The following MAGI1 variants were observed in gnomAD, a reference collection of about 807,000 sequenced individuals.
The protein encoded by MAGI1 is membrane-associated guanylate kinase, WW and PDZ domain-containing protein 1.
MAGI1 carries 58 observed loss-of-function variants against 139.9 expected under a neutral mutation model. The observed-to-expected ratio is 0.41, with a 90% CI of 0.34 to 0.52. MAGI1 has a LOEUF of 0.52. Among genes scored for constraint, MAGI1 ranks in the 20% least tolerant of loss-of-function variants. The probability of loss-of-function intolerance (pLI) is 0.12; values close to 1 mark genes in which losing one functional copy is unlikely to be tolerated. For synonymous variants in MAGI1, 812 were observed against 737.9 expected (o/e 1.10, Z -1.63); for missense variants, 1,874 against 1,901.6 (o/e 0.99, Z 0.27).
At chr3:65,811,149 C>T (rs2041204095) in intron 1 of MAGI1, among the ~76,000 whole-genome samples, 1 of 152,110 alleles carries the variant, frequency 6.6e-6, no homozygotes, top group Non-Finnish European at 1.5e-5. Flanking sequence ...TGCCACACAG[C>T]CTTCATTATT....
chr3:65,734,566 A>G (rs1205381785), intron 1 of MAGI1, among the ~76,000 whole-genome samples: 7 of 131,798 alleles, frequency 5.3e-5, no homozygotes, highest in Middle Eastern at 7.0e-3. Context: ...AGAAAGAGAG[A>G]GAGGGAGAGA....
chr3:65,561,587 C>T (rs1333473226), intron 2 of MAGI1, among the ~76,000 whole-genome samples: 1 of 152,092 alleles, frequency 6.6e-6, no homozygotes, highest in East Asian at 1.9e-4. Flanking sequence ...CTGGTTTCTT[C>T]TAGAAAAGAC....
intron 5 of MAGI1, among the ~76,000 whole-genome samples, chr3:65,456,720 G>T (rs1185831713): frequency 6.6e-6 from 1 of 152,086 alleles, no homozygotes; most frequent in Non-Finnish European, 1.5e-5. Context: ...TTAGGTGGAG[G>T]TTAGCTTACA....
intron 2 of MAGI1, among the ~76,000 whole-genome samples, chr3:65,541,380 C>T (rs2079214091): frequency 6.6e-6 from 1 of 152,126 alleles, no homozygotes; most frequent in Non-Finnish European, 1.5e-5. Flanking sequence ...GAAACGATTC[C>T]ACACAATAGA....
In MAGI1 at chr3:65,442,154, A is replaced by C. The variant is rs116389813; in HGVS notation, c.1136+638T>G. ...TCCTATCCATCAACAGTTTTGATGAAAGGAAAAAGTGGGAGCCCAATGCTA... is the reference window on the plus strand; with the variant it reads ...TCCTATCCATCAACAGTTTTGATGACAGGAAAAAGTGGGAGCCCAATGCTA... On this transcript the variant is annotated intron_variant, in intron 8 of 22. Coordinates refer to ENST00000402939, the MANE Select transcript of MAGI1 (RefSeq NM_001033057.2). Among the ~76,000 whole-genome samples, 6 of 151,938 alleles carry C rather than the reference A, an allele frequency of 3.9e-5. No individual in the cohort carries two copies. In the East Asian group the frequency reaches 5.8e-4, roughly 15 times the overall value.
chr3:65,649,079 A>T (rs1259675522), intron 1 of MAGI1, among the ~76,000 whole-genome samples: 4 of 152,202 alleles, frequency 2.6e-5, no homozygotes, highest in African/African-American at 9.7e-5. Flanking sequence ...AGACTTAAAT[A>T]TAAAACTATA....
At chr3:65,633,125 A>T (rs2084407555) in intron 1 of MAGI1, among the ~76,000 whole-genome samples, 1 of 152,154 alleles carries the variant, frequency 6.6e-6, no homozygotes, top group African/African-American at 2.4e-5. Flanking sequence ...CAATGGTCTC[A>T]GCCACATCAA....
At chr3:65,870,754 A>G (rs1172587895) in intron 1 of MAGI1, among the ~76,000 whole-genome samples, 1 of 151,538 alleles carries the variant, frequency 6.6e-6, no homozygotes, top group African/African-American at 2.4e-5. Context: ...GGAAATGAAG[A>G]AAGACTAAGA....
chr3:65,876,831 C>A (rs1335667336), intron 1 of MAGI1, among the ~76,000 whole-genome samples: 1 of 151,576 alleles, frequency 6.6e-6, no homozygotes. Context: ...GCAAGCTCCG[C>A]TTCCCAGGTT....
intron 1 of MAGI1, among the ~76,000 whole-genome samples, chr3:65,651,774 C>T (rs904676382): frequency 6.6e-6 from 1 of 151,944 alleles, no homozygotes; most frequent in Non-Finnish European, 1.5e-5. Context: ...CAACAATGTG[C>T]CCCATTCACC....
Position 65,530,624 on chromosome 3 carries a change from G to GTGT in MAGI1, c.431-36994_431-36993insACA, listed in dbSNP as rs1204700107. 6.2e-5 allele frequency among the ~76,000 whole-genome samples: 8 copies of GTGT among 129,282 alleles called. 1 individual carries two copies. Among genetic ancestry groups the GTGT allele is most frequent in the African/African-American group, 2.6e-4 (8 of 31,264 alleles). The allele number at this position is 129,282 out of a possible 152,430, so 84.8% of individuals were successfully genotyped here. ...GCAAGACACATACGTATGTGTGTGT[G>GTGT]GTGTGTGTGTGTGTGTGTGTGTGTG... On this transcript the variant is annotated intron_variant, in intron 2 of 22. Coordinates refer to ENST00000402939, the MANE Select transcript of MAGI1 (RefSeq NM_001033057.2).
chr3:65,375,333 C>T (rs569642712), intron 18 of MAGI1, among the ~76,000 whole-genome samples: 17 of 152,054 alleles, frequency 1.1e-4, no homozygotes, highest in African/African-American at 3.6e-4. Flanking sequence ...GGACTACAGG[C>T]GCCCGCCACC....
chr3:65,884,352 T>C (rs972648211), intron 1 of MAGI1, among the ~76,000 whole-genome samples: 2 of 152,026 alleles, frequency 1.3e-5, no homozygotes, highest in African/African-American at 4.8e-5. Flanking sequence ...CAAGGAAAAA[T>C]TGTACCACAT....
At chr3:65,713,238 G>A (rs1435457416) in intron 1 of MAGI1, among the ~76,000 whole-genome samples, 2 of 152,086 alleles carry the variant, frequency 1.3e-5, no homozygotes, top group Non-Finnish European at 2.9e-5. Context: ...TCCTCTCCCT[G>A]CCATACCAGC....
chr3:65,905,181 G>A (rs1225119671), intron 1 of MAGI1, among the ~76,000 whole-genome samples: 1 of 152,194 alleles, frequency 6.6e-6, no homozygotes, highest in African/African-American at 2.4e-5. Flanking sequence ...AGCTAGGGTT[G>A]AGAACTACTG....
chr3:65,461,613 C>T (rs1205208744), intron 5 of MAGI1, among the ~76,000 whole-genome samples: 1 of 151,460 alleles, frequency 6.6e-6, no homozygotes, highest in Non-Finnish European at 1.5e-5. Flanking sequence ...CTCAGCCTCC[C>T]GAGTAGCTGG....
chr3:65,497,911 C>T (rs1294550101), intron 2 of MAGI1, among the ~76,000 whole-genome samples: 2 of 152,132 alleles, frequency 1.3e-5, no homozygotes, highest in Non-Finnish European at 2.9e-5. Context: ...CAAGTCTCCA[C>T]CCACAAAACG....
intron 1 of MAGI1, among the ~76,000 whole-genome samples, chr3:65,967,561 G>A (rs1271527238): frequency 1.3e-5 from 2 of 152,216 alleles, no homozygotes; most frequent in Admixed American, 1.3e-4. Flanking sequence ...AAGCAGATGG[G>A]CTGTAAAACT....
chr3:65,360,851 G>A lies in MAGI1; in HGVS notation c.3634+348C>T, dbSNP rs941453830. 1.8e-5 allele frequency: 21 copies of A among 1,146,452 alleles called. No individual in the cohort carries two copies. In the African/African-American group the frequency reaches 2.5e-4, roughly 14 times the overall value. 71.0% of individuals were successfully genotyped at this position (1,146,452 alleles called of 1,614,324 possible). A position where few individuals can be genotyped will look rare whatever the true frequency, so the allele number is the denominator to read the frequency against. ...AACCTGCTTTCCTGCTTCTTAAAAG[G>A]AGTATATAGTCATTTTGTGCTAACA... is the stretch of plus-strand genomic sequence containing the variant. On this transcript the variant is annotated intron_variant, in intron 22 of 22. Transcript: ENST00000402939.
Sources: gnomAD v4.1 joint callset for allele counts (sites outside exome capture counted in the v4.1 genomes callset) on GRCh38, gnomAD v4.1.1 for gene constraint, MANE v1.5 for transcripts, NCBI Gene and HGNC (gene_info 2026-07-23, HGNC 2026-07-21) for gene names.